Variants in NME7 observed in about 807,000 individuals in gnomAD.
The protein encoded by NME7 is nucleoside diphosphate kinase 7.
Under a neutral mutation model 49.1 loss-of-function variants are expected in NME7, and 41 were observed. That is an observed-to-expected ratio of 0.83 (90% CI 0.65 to 1.08). The LOEUF is 1.08. Among genes scored for constraint, NME7 ranks in the 50% least tolerant of loss-of-function variants. NME7 has a pLI of 0.00. For synonymous variants in NME7, 139 were observed against 150.6 expected (o/e 0.92, Z 0.56); for missense variants, 423 against 463.4 (o/e 0.91, Z 0.80).
Position 169,258,468 on chromosome 1 carries a change from CACA to C in NME7, c.755-20784_755-20782del, listed in dbSNP as rs901487869. On this transcript the variant is annotated intron_variant, in intron 7 of 11. Coordinates refer to ENST00000367811, the MANE Select transcript of NME7 (RefSeq NM_013330.5). ...TTCTCATTCTCAAAGTTAGCCTTTGCACAACATTTTTTTTAATAAACAGGTACG... is the reference window on the plus strand; with the variant it reads ...TTCTCATTCTCAAAGTTAGCCTTTGCACATTTTTTTTAATAAACAGGTACG... Among the ~76,000 whole-genome samples the C allele has an allele frequency of 6.5e-5, 8 of 122,544 alleles. 1 individual carries two copies. The highest frequency in any genetic ancestry group is 1.6e-4 in the African/African-American group (6 of 36,412). The allele number at this position is 122,544 out of a possible 152,430, so 80.4% of individuals were successfully genotyped here. A position where few individuals can be genotyped will look rare whatever the true frequency, so the allele number is the denominator to read the frequency against.
intron 1 of NME7, among the ~76,000 whole-genome samples, chr1:169,356,711 G>A (rs1653478622): frequency 6.6e-6 from 1 of 152,150 alleles, no homozygotes; most frequent in Non-Finnish European, 1.5e-5. Flanking sequence ...CAGCATCTGT[G>A]AAGCACTTAA....
At chr1:169,277,842 G>A (rs1649807573) in intron 7 of NME7, among the ~76,000 whole-genome samples, 1 of 137,314 alleles carries the variant, frequency 7.3e-6, no homozygotes, top group Non-Finnish European at 1.6e-5. Context: ...TCCTTTCCAT[G>A]TTTAGCGCTT....
chr1:169,138,235 C>A (rs138924413), intron 11 of NME7, among the ~76,000 whole-genome samples: 1 of 151,924 alleles, frequency 6.6e-6, no homozygotes, highest in Non-Finnish European at 1.5e-5. Context: ...TGCTTGAACC[C>A]CGGGGGTGGA....
At chr1:169,235,507 A>G (rs1280637308) in intron 8 of NME7, among the ~76,000 whole-genome samples, 4 of 152,066 alleles carry the variant, frequency 2.6e-5, no homozygotes, top group African/African-American at 7.2e-5. Context: ...GAGTCATACA[A>G]CTTCCTCAAA....
chr1:169,235,249 G>A, intron 8 of NME7, 50 bp from the exon 9 acceptor site: 6 of 978,100 alleles, frequency 6.1e-6, no homozygotes, highest in African/African-American at 1.7e-5. Flanking sequence ...CCAACAAAAG[G>A]GAAATAAATA....
At chr1:169,318,052 T>A (rs529223564) in intron 3 of NME7, among the ~76,000 whole-genome samples, 49 of 152,318 alleles carry the variant, frequency 3.2e-4, no homozygotes, top group African/African-American at 1.1e-3. Context: ...AGTGGAAGCC[T>A]GTTTCTCTCT....
At chr1:169,261,595 T>C (rs1047486435) in intron 7 of NME7, among the ~76,000 whole-genome samples, 2 of 133,438 alleles carry the variant, frequency 1.5e-5, no homozygotes, top group South Asian at 4.6e-4. Context: ...TTGGTTGCTA[T>C]TGACCTGCCA....
At chr1:169,259,887 A>T (rs1649108910) in intron 7 of NME7, among the ~76,000 whole-genome samples, 1 of 133,554 alleles carries the variant, frequency 7.5e-6, no homozygotes, top group Non-Finnish European at 1.8e-5. Flanking sequence ...TTTTAAGCAC[A>T]CTAGAGTCAC....
chr1:169,309,545 G>A (rs995365169), intron 4 of NME7, among the ~76,000 whole-genome samples: 1 of 152,148 alleles, frequency 6.6e-6, no homozygotes, highest in African/African-American at 2.4e-5. Flanking sequence ...ACTGGTGGAA[G>A]TTCACCACCA....
At chr1:169,361,780 T>C (rs1173387529) in intron 1 of NME7, among the ~76,000 whole-genome samples, 1 of 124,630 alleles carries the variant, frequency 8.0e-6, no homozygotes, top group South Asian at 2.5e-4. Context: ...AAACTCTGTC[T>C]AAAAAAAAAA....
chr1:169,132,840 T>C (rs749416691), intron 11 of NME7, 23 bp from the exon 12 acceptor site: 12 of 1,611,710 alleles, frequency 7.4e-6, no homozygotes, highest in Non-Finnish European at 1.0e-5. Context: ...AACACATAAT[T>C]TCTTAGTTCA....
chr1:169,177,007 G>GCATT (rs1446115283), intron 10 of NME7, among the ~76,000 whole-genome samples: 2 of 151,858 alleles, frequency 1.3e-5, no homozygotes, highest in Non-Finnish European at 2.9e-5. Context: ...AATTTAAGAG[G>GCATT]CATTCTTTTA....
intron 4 of NME7, among the ~76,000 whole-genome samples, chr1:169,306,265 G>A (rs1034812300): frequency 2.0e-5 from 3 of 152,178 alleles, no homozygotes; most frequent in East Asian, 1.9e-4. Flanking sequence ...AACCACTGAC[G>A]GATTTAAGGA....
intron 8 of NME7, among the ~76,000 whole-genome samples, chr1:169,235,826 T>G (rs1558000704): frequency 6.6e-6 from 1 of 152,092 alleles, no homozygotes; most frequent in Non-Finnish European, 1.5e-5. Context: ...AAAAGAACTG[T>G]AAAAGTGTGC....
intron 10 of NME7, among the ~76,000 whole-genome samples, chr1:169,179,000 TAGTAG>T (rs1305045128): frequency 1.3e-5 from 2 of 152,028 alleles, no homozygotes; most frequent in Non-Finnish European, 2.9e-5. Flanking sequence ...TTTGTATTTT[TAGTAG>T]AGATGGGGTT....
intron 5 of NME7, among the ~76,000 whole-genome samples, chr1:169,301,456 C>T (rs1650937112): frequency 6.6e-6 from 1 of 152,044 alleles, no homozygotes; most frequent in African/African-American, 2.4e-5. Context: ...AAAGAGAATG[C>T]TTATACACGG....
chr1:169,176,662 T>A (rs1659760616), intron 10 of NME7, among the ~76,000 whole-genome samples: 1 of 152,112 alleles, frequency 6.6e-6, no homozygotes, highest in Non-Finnish European at 1.5e-5. Context: ...CAATAGGAAC[T>A]GGCTGAAGTG....
At chr1:169,252,150 T>C (rs1648654067) in intron 7 of NME7, among the ~76,000 whole-genome samples, 1 of 150,652 alleles carries the variant, frequency 6.6e-6, no homozygotes, top group African/African-American at 2.4e-5. Context: ...ACTTCCACAA[T>C]GGTTGAACTA....
intron 10 of NME7, among the ~76,000 whole-genome samples, chr1:169,212,510 T>C (rs1437979641): frequency 7.2e-6 from 1 of 139,446 alleles, no homozygotes; most frequent in Non-Finnish European, 1.7e-5. Flanking sequence ...AAATGAGTAC[T>C]CATGAGTACT....
Sources: allele counts gnomAD v4.1 joint callset (sites outside exome capture counted in the v4.1 genomes callset), GRCh38; gene constraint gnomAD v4.1.1; transcripts MANE v1.5; gene names NCBI Gene and HGNC (gene_info 2026-07-23, HGNC 2026-07-21).